TLR7: variants seen among roughly 807,000 people sequenced by gnomAD.
TLR7 encodes the protein toll-like receptor 7.
A neutral mutation model predicts 38.3 loss-of-function variants in TLR7; 12 were observed. The ratio of observed to expected loss-of-function variants is 0.31; its 90% CI spans 0.20 to 0.51. TLR7 has a LOEUF of 0.51. Ranked by LOEUF, TLR7 falls within the 20% of genes least tolerant of loss-of-function variation. The probability of loss-of-function intolerance (pLI) is 0.98; values close to 1 mark genes in which losing one functional copy is unlikely to be tolerated. For missense variants in TLR7, 504 were observed against 743.4 expected (o/e 0.68, Z 3.74); for synonymous variants, 285 against 293.8 (o/e 0.97, Z 0.31).
chrX:12,886,851 C>A lies in TLR7; in HGVS notation c.1343C>A (p.Ala448Asp). 1 of 1,209,775 alleles carries A rather than the reference C, an allele frequency of 8.3e-7. No individual in the cohort carries two copies. The highest frequency in any genetic ancestry group is 1.1e-6 in the Non-Finnish European group (1 of 894,305). The change falls in exon 3 of 3, where the codon GCC becomes GAC. Residue 448 changes from alanine to aspartate, a missense_variant. Physicochemically the swap from Ala to Asp is moderately radical, Grantham distance 126 (BLOSUM62 -2). Transcript: ENST00000380659. ...DSSEVGFCSNARTSVESYEPQ... is the reference protein window; with the variant it reads ...DSSEVGFCSNDRTSVESYEPQ... ...AGTGAAGTTGGCTTCTGCTCAAATG[C>A]CAGAACTTCTGTAGAAAGTTATGAA...
At chrX:12,876,605 C>T (rs2042871582) in intron 2 of TLR7, among the ~76,000 whole-genome samples, 1 of 111,979 alleles carries the variant, frequency 8.9e-6, no homozygotes, top group Non-Finnish European at 1.9e-5. Flanking sequence ...GAACCTGGCA[C>T]ACCATAAGTA....
At position 12,867,592 on chromosome X, in the gene TLR7, C is replaced by T; in HGVS notation, c.3+11C>T. 6 of 1,203,092 alleles carry T rather than the reference C, an allele frequency of 5.0e-6. No homozygotes were observed. Among genetic ancestry groups the T allele is most frequent in the Non-Finnish European group, 6.8e-6 (6 of 888,668 alleles). On this transcript the variant is annotated intron_variant, in intron 2 of 2. Coordinates refer to ENST00000380659, the MANE Select transcript of TLR7 (RefSeq NM_016562.4). Reference sequence around the variant, plus strand: ...AGAAGACTAAAAATGGTAAGAACAGCTCAGAGAACCTTAAAAAGTGTTATC... The same window carrying T: ...AGAAGACTAAAAATGGTAAGAACAGTTCAGAGAACCTTAAAAAGTGTTATC...
rs1222934330 is a variant in TLR7, at chrX:12,873,938, A to G, written c.3+6357A>G. Reference sequence around the variant, plus strand: ...TATTGGTAGTTTCCCATTTTTAACCATTCTCTCAAATCAATGGATTGTCAT... The same window carrying G: ...TATTGGTAGTTTCCCATTTTTAACCGTTCTCTCAAATCAATGGATTGTCAT... On this transcript the variant is annotated intron_variant, in intron 2 of 2. Transcript: ENST00000380659. 3.6e-5 allele frequency among the ~76,000 whole-genome samples: 4 copies of G among 112,361 alleles called. No homozygotes were observed. In the East Asian group the frequency reaches 1.1e-3, roughly 31 times the overall value.
intron 2 of TLR7, among the ~76,000 whole-genome samples, chrX:12,882,157 C>T (rs1158570947): frequency 8.9e-6 from 1 of 111,820 alleles, no homozygotes; most frequent in East Asian, 2.8e-4. Context: ...AAAGATGGCT[C>T]AAGGTCAGAG....
At chrX:12,883,977 G>C (rs990353679) in intron 2 of TLR7, among the ~76,000 whole-genome samples, 17 of 110,962 alleles carry the variant, frequency 1.5e-4, no homozygotes, top group Admixed American at 1.3e-3. Context: ...AAGGGAAGTA[G>C]GATTTTTTTG....
chrX:12,868,753 A>T (rs1439431027), intron 2 of TLR7, among the ~76,000 whole-genome samples: 1 of 111,790 alleles, frequency 8.9e-6, no homozygotes, highest in Non-Finnish European at 1.9e-5. Context: ...CACATTCTAG[A>T]TCCGAATGTT....
rs915758296 is a variant in TLR7, at chrX:12,870,882, A to G, written c.3+3301A>G. Among the ~76,000 whole-genome samples the G allele has an allele frequency of 7.1e-5, 8 of 112,142 alleles. No individual in the cohort carries two copies. In the East Asian group the frequency reaches 8.3e-4, roughly 12 times the overall value. Reference sequence around the variant, plus strand: ...CCTGATGGCCTGCAAAGATTAAACCATTTACTAACTGGCCCTTTACAGAAA... The same window carrying G: ...CCTGATGGCCTGCAAAGATTAAACCGTTTACTAACTGGCCCTTTACAGAAA... On this transcript the variant is annotated intron_variant, in intron 2 of 2. Coordinates refer to ENST00000380659, the MANE Select transcript of TLR7 (RefSeq NM_016562.4).
rs1409796713 is a variant in TLR7, at chrX:12,887,539, A to G, written c.2031A>G (p.Leu677=). The G allele has an allele frequency of 8.3e-7, 1 of 1,209,859 alleles. No individual in the cohort carries two copies. Among genetic ancestry groups the G allele is most frequent in the Non-Finnish European group, 1.1e-6 (1 of 895,205 alleles). The change falls in exon 3 of 3, where the codon CTA becomes CTG. Residue 677 remains leucine, a synonymous_variant. Transcript: ENST00000380659. The part of the protein sequence containing the change: ...SGVFDGMPPN[L]KNLSLAKNGL... ...TTTTTGATGGTATGCCTCCAAATCT[A>G]AAGAATCTCTCTTTGGCCAAAAATG...
At chrX:12,870,008 A>G (rs1634323) in intron 2 of TLR7, among the ~76,000 whole-genome samples, 12,014 of 109,793 alleles carry the variant, frequency 0.11, 515 homozygotes, top group African/African-American at 0.14. Flanking sequence ...CTAGAAATGG[A>G]TAAGTACCGT....
chrX:12,874,041 C>T (rs1045883167), intron 2 of TLR7, among the ~76,000 whole-genome samples: 7 of 112,426 alleles, frequency 6.2e-5, no homozygotes, highest in African/African-American at 1.3e-4. Context: ...CATATAAGGC[C>T]GGGCGTAGTG....
At chrX:12,885,109 C>A (rs1392901841) in intron 2 of TLR7, among the ~76,000 whole-genome samples, 1 of 112,086 alleles carries the variant, frequency 8.9e-6, no homozygotes, top group Non-Finnish European at 1.9e-5. Context: ...TTTAGCAGGC[C>A]GACATAAATT....
rs1287434546 is a variant in TLR7 at position 12,887,837 on chromosome X, A to G, written c.2329A>G (p.Met777Val). The change falls in exon 3 of 3, where the codon ATG (methionine) becomes GTG (valine). Residue 777 changes from methionine (M) to valine (V), a missense_variant. Physicochemically the swap from Met to Val is conservative, Grantham distance 21. Transcript: ENST00000380659. The stretch of plus-strand genomic sequence containing the variant: ...AGAAAATGTCCTCAACAATCTGAAG[A>G]TGTTGCTTTTGCATCATAATCGGTT... ...FPENVLNNLK[M>V]LLLHHNRFLC... The G allele has an allele frequency of 8.3e-7, 1 of 1,211,657 alleles. No homozygotes were observed. Among genetic ancestry groups the G allele is most frequent in the South Asian group, 1.8e-5 (1 of 57,001 alleles).
In TLR7 at chrX:12,886,100, G is replaced by A; in HGVS notation, c.592G>A (p.Asp198Asn). The change falls in exon 3 of 3, where the codon GAT (aspartate) becomes AAT (asparagine). Residue 198 changes from aspartate (D) to asparagine (N), a missense_variant. Asp to Asn is a conservative substitution (Grantham distance 23). Coordinates refer to ENST00000380659, the MANE Select transcript of TLR7 (RefSeq NM_016562.4). ...TTATGTTTCATATTCAATAGAGAAA[G>A]ATGCCTTCCTAAACTTGACAAAGTT... ...PCYVSYSIEK[D>N]AFLNLTKLKV... 8.3e-7 allele frequency: 1 copy of A among 1,211,396 alleles called. No individual in the cohort carries two copies. Among genetic ancestry groups the A allele is most frequent in the Non-Finnish European group, 1.1e-6 (1 of 895,084 alleles).
chrX:12,868,977 A>C (rs2042842921), intron 2 of TLR7, among the ~76,000 whole-genome samples: 1 of 111,941 alleles, frequency 8.9e-6, no homozygotes, highest in Admixed American at 9.5e-5. Flanking sequence ...CCACTCAACT[A>C]TCATGCTGAG....
intron 2 of TLR7, among the ~76,000 whole-genome samples, chrX:12,885,023 T>A (rs777254190): frequency 2.7e-4 from 31 of 112,889 alleles, no homozygotes; most frequent in African/African-American, 9.9e-4. Context: ...GATGTCTTCA[T>A]TTGTAAAACG....
chrX:12,877,558 A>G (rs2042877119), intron 2 of TLR7: 1 of 110,655 alleles, frequency 9.0e-6, no homozygotes, highest in Admixed American at 9.7e-5. Flanking sequence ...GGCATAAAGC[A>G]TTCCAAGGGT....
intron 2 of TLR7, among the ~76,000 whole-genome samples, chrX:12,873,073 T>C (rs1397354040): frequency 9.0e-6 from 1 of 111,617 alleles, no homozygotes; most frequent in Non-Finnish European, 1.9e-5. Context: ...GCTTCAGCAA[T>C]ATTGGCCCCG....
chrX:12,887,107 T>C lies in TLR7; in HGVS notation c.1599T>C (p.Leu533=). The change falls in exon 3 of 3, where the codon CTT becomes CTC. Residue 533 remains leucine, a synonymous_variant. Coordinates refer to ENST00000380659, the MANE Select transcript of TLR7 (RefSeq NM_016562.4). ...CAGGAAATCTCATTAGCCAAACTCT[T>C]AATGGCAGTGAATTCCAACCTTTAG... ...NLSGNLISQT[L]NGSEFQPLAE... is the part of the protein sequence containing the mutation. 1.7e-6 allele frequency: 2 copies of C among 1,211,375 alleles called. No homozygotes were observed. Among genetic ancestry groups the C allele is most frequent in the Non-Finnish European group, 2.2e-6 (2 of 895,185 alleles).
chrX:12,875,425 A>G (rs1389320804), intron 2 of TLR7, among the ~76,000 whole-genome samples: 2 of 112,345 alleles, frequency 1.8e-5, no homozygotes, highest in Non-Finnish European at 3.8e-5. Flanking sequence ...CATATAATTC[A>G]TAATGGAGAC....
Sources: gnomAD v4.1 joint callset for allele counts (sites outside exome capture counted in the v4.1 genomes callset) on GRCh38, gnomAD v4.1.1 for gene constraint, MANE v1.5 for transcripts, NCBI Gene and HGNC (gene_info 2026-07-23, HGNC 2026-07-21) for gene names.